Variants in PTGER3 observed in about 807,000 individuals in gnomAD.
PTGER3 encodes the protein prostaglandin E2 receptor EP3 subtype.
In PTGER3, 22 loss-of-function variants were observed where a neutral mutation model predicts 34.7. The ratio of observed to expected loss-of-function variants is 0.63; its 90% CI spans 0.45 to 0.91. PTGER3 has a LOEUF of 0.91. PTGER3 is among the 40% of genes least tolerant of loss of function. The pLI, the probability that PTGER3 is intolerant of heterozygous loss-of-function variation, is 0.00. For missense variants in PTGER3, 468 were observed against 519.4 expected, an observed-to-expected ratio of 0.90 and a Z score of 0.96; for synonymous variants, 241 against 230.1, an observed-to-expected ratio of 1.05 and a Z score of -0.43.
intron 4 of PTGER3, among the ~76,000 whole-genome samples, chr1:70,898,472 G>A (rs1196885341): frequency 6.6e-6 from 1 of 152,096 alleles, no homozygotes; most frequent in Non-Finnish European, 1.5e-5. Flanking sequence ...CCTCTCGAAT[G>A]CCTTCCTTGA....
In PTGER3 at chr1:70,863,766, C is replaced by T. The variant is rs115657926; in HGVS notation, c.*24-10907G>A. 2.8e-3 allele frequency among the ~76,000 whole-genome samples: 424 copies of T among 150,810 alleles called. 3 individuals are homozygous for T. The highest frequency in any genetic ancestry group is 9.9e-3 in the African/African-American group (408 of 41,056). On this transcript the variant is annotated intron_variant, in intron 4 of 4. Coordinates refer to the PTGER3 transcript ENST00000370931. ...ATTTTGGTAGCAATAACAACCTGAACGAAGGTAGAAAGGTAGGAAAACATA... is the reference window on the plus strand; with the variant it reads ...ATTTTGGTAGCAATAACAACCTGAATGAAGGTAGAAAGGTAGGAAAACATA...
At chr1:70,959,206 G>T (rs1651668639) in intron 2 of PTGER3, among the ~76,000 whole-genome samples, 1 of 152,102 alleles carries the variant, frequency 6.6e-6, no homozygotes, top group Admixed American at 6.5e-5. Flanking sequence ...ATTTCTGTGA[G>T]GAATGTCACT....
At chr1:70,879,964 G>A (rs747044525) in intron 4 of PTGER3, among the ~76,000 whole-genome samples, 9 of 151,898 alleles carry the variant, frequency 5.9e-5, no homozygotes, top group Non-Finnish European at 7.4e-5. Context: ...GTGGTGGTGC[G>A]TACCTGCAGT....
At chr1:70,903,779 T>TA (rs1239743202) in intron 4 of PTGER3, among the ~76,000 whole-genome samples, 1 of 152,174 alleles carries the variant, frequency 6.6e-6, no homozygotes, top group Non-Finnish European at 1.5e-5. Context: ...TAAATAAGGA[T>TA]AAAAACAGCC....
intron 4 of PTGER3, among the ~76,000 whole-genome samples, chr1:70,936,499 T>A (rs1261608575): frequency 6.6e-6 from 1 of 152,138 alleles, no homozygotes; most frequent in Non-Finnish European, 1.5e-5. Context: ...CCAAAAAGTG[T>A]AAAGTCTGGA....
At chr1:70,917,446 C>CGTGTGTGTGTGTGT (rs1557653574) in intron 4 of PTGER3, among the ~76,000 whole-genome samples, 4 of 81,636 alleles carry the variant, frequency 4.9e-5, no homozygotes, top group Non-Finnish European at 8.8e-5. Flanking sequence ...TGTGTGTATA[C>CGTGTGTGTGTGTGT]AATCAATTCC....
intron 4 of PTGER3, among the ~76,000 whole-genome samples, chr1:70,867,168 C>G (rs928627336): frequency 2.6e-5 from 4 of 152,216 alleles, no homozygotes; most frequent in Non-Finnish European, 5.9e-5. Context: ...CTGCAAATTC[C>G]CTTCTCCACC....
intron 2 of PTGER3, among the ~76,000 whole-genome samples, chr1:70,978,895 T>G (rs1275502274): frequency 6.6e-6 from 1 of 152,162 alleles, no homozygotes. Context: ...ATGAAGCCAC[T>G]TTCTTTTACA....
chr1:71,003,634 A>G (rs545313648), intron 2 of PTGER3, among the ~76,000 whole-genome samples: 2 of 152,306 alleles, frequency 1.3e-5, no homozygotes, highest in East Asian at 3.9e-4. Flanking sequence ...ACATGATTGC[A>G]ACTTTTAGAG....
chr1:70,990,582 G>A (rs903685911), intron 2 of PTGER3, among the ~76,000 whole-genome samples: 1 of 151,680 alleles, frequency 6.6e-6, no homozygotes, highest in Non-Finnish European at 1.5e-5. Context: ...AGGCTGGAGG[G>A]CAGTGGCATA....
intron 4 of PTGER3, among the ~76,000 whole-genome samples, chr1:70,922,793 A>T (rs1294364014): frequency 6.6e-6 from 1 of 152,220 alleles, no homozygotes. Flanking sequence ...TTAAAGGGTT[A>T]AAAGATTGTT....
At chr1:71,002,781 A>G (rs968592814) in intron 2 of PTGER3, among the ~76,000 whole-genome samples, 2 of 152,172 alleles carry the variant, frequency 1.3e-5, no homozygotes, top group African/African-American at 2.4e-5. Flanking sequence ...TTGGGCAAAA[A>G]ATTTAAATGG....
At chr1:70,949,042 C>T (rs1342631647), downstream of PTGER3, among the ~76,000 whole-genome samples, 8 of 152,144 alleles carry the variant, frequency 5.3e-5, no homozygotes, top group East Asian at 3.9e-4. Context: ...AGAGCTCCTC[C>T]ATTCTCTCCT....
At chr1:70,895,913 G>T (rs1400636317) in intron 4 of PTGER3, among the ~76,000 whole-genome samples, 2 of 152,210 alleles carry the variant, frequency 1.3e-5, no homozygotes. Flanking sequence ...GATCCCTAGT[G>T]GTTGGTGGCA....
At chr1:70,990,540 T>C (rs1655379011) in intron 2 of PTGER3, among the ~76,000 whole-genome samples, 1 of 151,818 alleles carries the variant, frequency 6.6e-6, no homozygotes, top group Non-Finnish European at 1.5e-5. Flanking sequence ...TACATGTATA[T>C]ATATTTGAGA....
At chr1:70,869,511 C>A (rs1646118508) in intron 4 of PTGER3, among the ~76,000 whole-genome samples, 1 of 152,192 alleles carries the variant, frequency 6.6e-6, no homozygotes, top group South Asian at 2.1e-4. Context: ...AGTCTAAAGT[C>A]TAAGTCCAAA....
intron 2 of PTGER3, chr1:71,011,868 G>A: frequency 9.6e-7 from 1 of 1,039,056 alleles, no homozygotes; most frequent in Non-Finnish European, 1.2e-6. Context: ...GATGTATGTG[G>A]TTAAATTCCT....
At chr1:70,952,942 C>T (rs1255599929) in exon 4 of PTGER3, 2 of 1,613,048 alleles carry the variant, frequency 1.2e-6, no homozygotes, top group Non-Finnish European at 1.7e-6. Context: ...CTGGTGTACA[C>T]ATTAATGCTG....
Position 71,046,890 on chromosome 1 carries a change from A to G in PTGER3, c.688T>C (p.Phe230Leu). The part of the protein sequence containing the change: ...SSSHNWGNLF[F>L]ASAFAFLGLL... ...CCCAGGAAGGCAAAGGCAGAGGCGA[A>G]GAAAAGGTTGCCCCAGTTATGCGAA... The change falls in exon 1 of 4, where the codon TTC becomes CTC. Residue 230 changes from phenylalanine to leucine, a missense_variant. By Grantham distance (22) the Phe-to-Leu change is conservative. Around this residue, in one of 5 missense-constraint regions of PTGER3, gnomAD observed 204 missense variants for 230.8 expected, o/e 0.88. Transcript: ENST00000306666. 1 of 1,613,252 alleles carries G rather than the reference A, an allele frequency of 6.2e-7. No individual in the cohort carries two copies. The highest frequency in any genetic ancestry group is 8.5e-7 in the Non-Finnish European group (1 of 1,179,672).
Sources: gnomAD v4.1 joint callset for allele counts (sites outside exome capture counted in the v4.1 genomes callset) on GRCh38, gnomAD v4.1.1 for gene constraint, gnomAD v4.1.1 regional missense constraint, MANE v1.5 for transcripts, NCBI Gene and HGNC (gene_info 2026-07-23, HGNC 2026-07-21) for gene names.